GCDH: variants seen among roughly 807,000 people sequenced by gnomAD.
The protein encoded by GCDH is glutaryl-CoA dehydrogenase, mitochondrial.
Under a neutral mutation model 52.8 loss-of-function variants are expected in GCDH, and 31 were observed. The ratio of observed to expected loss-of-function variants is 0.59; its 90% CI spans 0.44 to 0.79. The LOEUF (loss-of-function observed/expected upper bound fraction) is 0.79. GCDH is among the 30% of genes least tolerant of loss of function. GCDH has a pLI of 0.00. For synonymous variants in GCDH, 242 were observed against 250.0 expected (o/e 0.97, Z 0.30); for missense variants, 509 against 595.0 (o/e 0.86, Z 1.50).
At chr19:12,894,723 C>T (rs111233763) in intron 6 of GCDH, 10,795 of 804,232 alleles carry the variant, frequency 0.013, 117 homozygotes, top group Middle Eastern at 0.041. Flanking sequence ...CTGAAGCAGC[C>T]GCATATTAAG....
In GCDH at chr19:12,891,555, GC is replaced by G. The variant is rs761099433; in HGVS notation, c.127+37del. The G allele has an allele frequency of 7.9e-5, 127 of 1,614,108 alleles. No homozygotes were observed. In the South Asian group the frequency reaches 1.3e-3, roughly 17 times the overall value. ...CCTCTGGTCGCACCGTGTGTCTGCT[GC>G]CCCTGTTCAGCTGTCTGTCTGCCGC... On this transcript the variant is annotated intron_variant, in intron 3 of 11. Transcript: ENST00000222214.
rs1375620358 is a variant in GCDH, at chr19:12,896,861, C to T, written c.853-49C>T. The T allele has an allele frequency of 9.8e-6, 13 of 1,330,860 alleles. No individual in the cohort carries two copies. Among genetic ancestry groups the T allele is most frequent in the Non-Finnish European group, 1.4e-5 (13 of 924,386 alleles). The allele number at this position is 1,330,860 out of a possible 1,614,324, so 82.4% of individuals were successfully genotyped here. ...GCTTCAGAGTTGGTTCTGCATAGGCCCTCTTGGTGTCTCTTGGGTGGGCCT... is the reference window on the plus strand; with the variant it reads ...GCTTCAGAGTTGGTTCTGCATAGGCTCTCTTGGTGTCTCTTGGGTGGGCCT... On this transcript the variant is annotated intron_variant, in intron 8 of 11. Transcript: ENST00000222214. The surrounding 1 kb of genome is among the most constrained non-coding windows in gnomAD (Gnocchi z 5.5).
chr19:12,893,742 G>A lies in GCDH; in HGVS notation c.505+89G>A. 5 of 1,231,246 alleles carry A rather than the reference G, an allele frequency of 4.1e-6. No homozygotes were observed. The South Asian group carries it at 4.8e-5, about 12-fold the overall frequency. 76.3% of individuals were successfully genotyped at this position (1,231,246 alleles called of 1,614,324 possible). On this transcript the variant is annotated intron_variant, in intron 6 of 11. Coordinates refer to ENST00000222214, the MANE Select transcript of GCDH (RefSeq NM_000159.4). ...TGGGGCTGTCCCCTGAGCCTATTCT[G>A]TCCCTATCTCAAAGATAGCATAAGT...
intron 6 of GCDH, 168 bp downstream of exon 6, chr19:12,893,821 G>A (rs1970614055): frequency 5.7e-6 from 4 of 698,636 alleles, no homozygotes; most frequent in African/African-American, 3.5e-5. Context: ...CTGATCCCTG[G>A]CCAGCCTGAC....
intron 3 of GCDH, 28 bp downstream of exon 3, chr19:12,891,550 C>T: frequency 6.2e-7 from 1 of 1,614,134 alleles, no homozygotes; most frequent in Non-Finnish European, 8.5e-7. Flanking sequence ...CACCGTGTGT[C>T]TGCTGCCCCT....
chr19:12,895,663 G>A (rs567454979), intron 6 of GCDH, among the ~76,000 whole-genome samples: 3 of 152,038 alleles, frequency 2.0e-5, no homozygotes, highest in African/African-American at 7.2e-5. Flanking sequence ...CCAGGCTGTA[G>A]TGCAGTGGCA....
Position 12,891,468 on chromosome 19 carries a change from T to G in GCDH, c.92-19T>G. ...GTTTAGGGACTTTCCGGGGTGACTT[T>G]CCCGTTCTGTGCTTGCAGAGAAAGG... is the stretch of plus-strand genomic sequence containing the variant. On this transcript the variant is annotated intron_variant, in intron 2 of 11. Coordinates refer to ENST00000222214, the MANE Select transcript of GCDH (RefSeq NM_000159.4). The G allele has an allele frequency of 6.2e-7, 1 of 1,614,190 alleles. No individual in the cohort carries two copies. Among genetic ancestry groups the G allele is most frequent in the Non-Finnish European group, 8.5e-7 (1 of 1,180,020 alleles).
chr19:12,893,537 T>A lies in GCDH; in HGVS notation c.389T>A (p.Leu130Gln). 1 of 1,613,786 alleles carries A rather than the reference T, an allele frequency of 6.2e-7. No individual in the cohort carries two copies. The highest frequency in any genetic ancestry group is 1.6e-4 in the Middle Eastern group (1 of 6,062). The change falls in exon 6 of 12, where the codon CTG becomes CAG. Residue 130 changes from leucine to glutamine, a missense_variant. Coordinates refer to ENST00000222214, the MANE Select transcript of GCDH (RefSeq NM_000159.4). ...GCCTATGGGCTCCTGGCCCGAGAGC[T>A]GGAGCGGGTGGACAGTGGCTACAGG... ...SVAYGLLARE[L>Q]ERVDSGYRSA...
In GCDH at chr19:12,893,649, G is replaced by C. The variant is rs1021081376; in HGVS notation, c.501G>C (p.Gln167His). The change falls in exon 6 of 12, where the codon CAG becomes CAC. Residue 167 changes from glutamine (Q) to histidine (H), a missense_variant. Coordinates refer to ENST00000222214, the MANE Select transcript of GCDH (RefSeq NM_000159.4). ...AACAGCGGCAGAAGTACCTGCCCCA[G>C]CTGGGTGAGTGGCTGCCCATGGGGC... The part of the protein sequence containing the change: ...SEEQRQKYLP[Q>H]LAKGELLGCF... 1 of 1,613,582 alleles carries C rather than the reference G, an allele frequency of 6.2e-7. No individual in the cohort carries two copies. Among genetic ancestry groups the C allele is most frequent in the Non-Finnish European group, 8.5e-7 (1 of 1,179,706 alleles).
rs1970794914 is a variant in GCDH at position 12,899,845 on chromosome 19, G to A, written c.*304G>A. 8 of 1,576,540 alleles carry A rather than the reference G, an allele frequency of 5.1e-6. No homozygotes were observed. Among genetic ancestry groups the A allele is most frequent in the Non-Finnish European group, 6.1e-6 (7 of 1,148,038 alleles). ...GAGTGACATGGAAGCAACTCCGTCT[G>A]CTGCAGCTGACCCCCTCACACTGAG... is the stretch of plus-strand genomic sequence containing the variant. On this transcript the variant is annotated 3_prime_UTR_variant, in exon 12 of 12. Coordinates refer to ENST00000222214, the MANE Select transcript of GCDH (RefSeq NM_000159.4).
Position 12,891,898 on chromosome 19 carries a change from C to A in GCDH, c.195C>A (p.Ile65=). The change falls in exon 4 of 12, where the codon ATC becomes ATA. Residue 65 remains isoleucine, a synonymous_variant. Transcript: ENST00000222214. ...AGGAGCAGCTGACCACAGATGAGAT[C>A]CTCATCAGGGACACCTTCCGCACCT... ...VLEEQLTTDE[I]LIRDTFRTYC... The A allele has an allele frequency of 1.2e-6, 2 of 1,613,892 alleles. No individual in the cohort carries two copies. The highest frequency in any genetic ancestry group is 1.7e-6 in the Non-Finnish European group (2 of 1,179,742).
chr19:12,896,668 G>A lies in GCDH; in HGVS notation c.853-242G>A, dbSNP rs1970688590. On this transcript the variant is annotated intron_variant, in intron 8 of 11. Coordinates refer to ENST00000222214, the MANE Select transcript of GCDH (RefSeq NM_000159.4). This position sits in a 1 kb window ranked among gnomAD's most constrained non-coding sequence, Gnocchi z 5.5. The stretch of plus-strand genomic sequence containing the variant: ...TCATTTGACTCACAGTGCATCTTCT[G>A]GCATCCGTCAGCCTCCTGGCTCTGA... Among the ~76,000 whole-genome samples the A allele has an allele frequency of 6.6e-6, 1 of 152,172 alleles. No homozygotes were observed. The highest frequency in any genetic ancestry group is 2.1e-4 in the South Asian group (1 of 4,834).
At chr19:12,899,322 G>A (rs761215274) in intron 11 of GCDH, 146 bp from the exon 12 acceptor site, 33 of 1,609,832 alleles carry the variant, frequency 2.0e-5, no homozygotes, top group East Asian at 1.8e-4. Context: ...TCACTAAGGC[G>A]TGAGTCTCCC....
chr19:12,899,475 T>C lies in GCDH; in HGVS notation c.1251T>C (p.His417=), dbSNP rs141676105. 2.5e-6 allele frequency: 4 copies of C among 1,614,024 alleles called. No homozygotes were observed. The African/African-American group carries it at 5.3e-5, about 22-fold the overall frequency. Residue 417 remains histidine (H), a synonymous_variant, in exon 12 of 12, where the codon CAT becomes CAC. Coordinates refer to ENST00000222214, the MANE Select transcript of GCDH (RefSeq NM_000159.4). ...TGTATTAATCTTGTCCAGGTACACA[T>C]GACATTCACGCCCTGATCCTTGGGA... The part of the protein sequence containing the change: ...LEAVNTYEGT[H]DIHALILGRA...
In GCDH at chr19:12,893,518, G is replaced by A; in HGVS notation, c.370G>A (p.Gly124Arg). The A allele has an allele frequency of 6.2e-7, 1 of 1,614,034 alleles. No individual in the cohort carries two copies. Among genetic ancestry groups the A allele is most frequent in the Non-Finnish European group, 8.5e-7 (1 of 1,179,920 alleles). The change falls in exon 6 of 12, where the codon GGG becomes AGG. Residue 124 changes from glycine to arginine, a missense_variant. Coordinates refer to ENST00000222214, the MANE Select transcript of GCDH (RefSeq NM_000159.4). ...GCAGVSSVAY[G>R]LLARELERVD... ...TGCTGGGGTTTCGTCTGTGGCCTAT[G>A]GGCTCCTGGCCCGAGAGCTGGAGCG...
At position 12,896,069 on chromosome 19, in the gene GCDH, G is replaced by A. The variant is rs2145950460; in HGVS notation, c.583G>A (p.Ala195Thr). ...GSDPSSMETR[A>T]HYNSSNKSYT... ...TGACCCCAGCAGCATGGAGACCAGAGCCCACTACAACTCATCCAACAAGAG... is the reference window on the plus strand; with the variant it reads ...TGACCCCAGCAGCATGGAGACCAGAACCCACTACAACTCATCCAACAAGAG... The change falls in exon 7 of 12, where the codon GCC becomes ACC. Residue 195 changes from alanine to threonine, a missense_variant. Ala to Thr is a moderately conservative substitution (Grantham distance 58). Transcript: ENST00000222214. This position sits in a 1 kb window ranked among gnomAD's most constrained non-coding sequence, Gnocchi z 5.5. 1.9e-6 allele frequency: 3 copies of A among 1,614,088 alleles called. No individual in the cohort carries two copies. Among genetic ancestry groups the A allele is most frequent in the Non-Finnish European group, 2.5e-6 (3 of 1,180,002 alleles).
At chr19:12,891,661 G>C (rs1970559405) in intron 3 of GCDH, 139 bp downstream of exon 3, 2 of 1,606,326 alleles carry the variant, frequency 1.2e-6, no homozygotes, top group South Asian at 2.2e-5. Context: ...CACTAAGGCA[G>C]TGAGTGCGCT....
intron 5 of GCDH, among the ~76,000 whole-genome samples, chr19:12,893,147 A>C (rs1466993225): frequency 1.3e-5 from 2 of 151,868 alleles, no homozygotes; most frequent in Non-Finnish European, 2.9e-5. Context: ...TCGGCCTCCC[A>C]AAGTGCTGGG....
chr19:12,896,918 C>T lies in GCDH; in HGVS notation c.861C>T (p.Phe287=), dbSNP rs200757991. The change falls in exon 9 of 12, where the codon TTC becomes TTT. Residue 287 remains phenylalanine, a synonymous_variant. Transcript: ENST00000222214. This position sits in a 1 kb window ranked among gnomAD's most constrained non-coding sequence, Gnocchi z 5.5. ...LPGASSLGGP[F]GCLNNARYGI... Reference sequence around the variant, plus strand: ...CCATCTCAACCCTACAGGGTCCCTTCGGCTGCCTGAACAACGCCCGGTACG... The same window carrying T: ...CCATCTCAACCCTACAGGGTCCCTTTGGCTGCCTGAACAACGCCCGGTACG... 77 of 1,612,732 alleles carry T rather than the reference C, an allele frequency of 4.8e-5. No individual in the cohort carries two copies. The highest frequency in any genetic ancestry group is 3.3e-4 in the Middle Eastern group (2 of 6,082).
Sources: allele counts gnomAD v4.1 joint callset (sites outside exome capture counted in the v4.1 genomes callset), GRCh38; gene constraint gnomAD v4.1.1; non-coding constraint Gnocchi (gnomAD v3.1); transcripts MANE v1.5; gene names NCBI Gene and HGNC (gene_info 2026-07-23, HGNC 2026-07-21).